Variants in CDC14A observed in about 807,000 individuals in gnomAD.
CDC14A encodes the protein cell division cycle 14A.
In CDC14A, 53 loss-of-function variants were observed where a neutral mutation model predicts 74.4. The observed-to-expected ratio is 0.71, with a 90% confidence interval of 0.57 to 0.89. The LOEUF (loss-of-function observed/expected upper bound fraction) is 0.89, where lower values mean the gene tolerates loss of function less well. Among genes scored for constraint, CDC14A ranks in the 40% least tolerant of loss-of-function variants. The probability of loss-of-function intolerance (pLI) is 0.00; values close to 1 mark genes in which losing one functional copy is unlikely to be tolerated. For missense variants in CDC14A, 646 were observed against 713.7 expected, an observed-to-expected ratio of 0.91 and a Z score of 1.08; for synonymous variants, 247 against 258.4, an observed-to-expected ratio of 0.96 and a Z score of 0.43.
intron 15 of CDC14A, among the ~76,000 whole-genome samples, chr1:100,515,753 T>C (rs1335148388): frequency 6.6e-6 from 1 of 152,366 alleles, no homozygotes; most frequent in Admixed American, 6.5e-5. Flanking sequence ...TACAAAATAC[T>C]GATGTCAGAA....
intron 4 of CDC14A, among the ~76,000 whole-genome samples, chr1:100,392,470 G>A (rs918801985): frequency 7.0e-6 from 1 of 142,736 alleles, no homozygotes; most frequent in African/African-American, 2.6e-5. Context: ...TTTTTTTTTT[G>A]TGAGGACCAA....
At chr1:100,466,959 AC>A (rs1333357817) in intron 9 of CDC14A, among the ~76,000 whole-genome samples, 1 of 151,578 alleles carries the variant, frequency 6.6e-6, no homozygotes, top group Admixed American at 6.6e-5. Context: ...GGGATGAAAA[AC>A]TTTTTTTTTT....
intron 11 of CDC14A, among the ~76,000 whole-genome samples, chr1:100,492,325 C>A (rs1670786579): frequency 6.6e-6 from 1 of 152,218 alleles, no homozygotes; most frequent in Non-Finnish European, 1.5e-5. Context: ...AGTCTCCTTT[C>A]TCACCTTTCT....
intron 11 of CDC14A, among the ~76,000 whole-genome samples, chr1:100,493,933 G>T (rs1232532559): frequency 6.6e-6 from 1 of 152,080 alleles, no homozygotes; most frequent in Non-Finnish European, 1.5e-5. Context: ...ATAGGGGAGG[G>T]GACTATTACG....
At chr1:100,457,423 A>G (rs930511741) in intron 8 of CDC14A, among the ~76,000 whole-genome samples, 8 of 152,048 alleles carry the variant, frequency 5.3e-5, no homozygotes, top group African/African-American at 1.9e-4. Context: ...GTTCTACCAT[A>G]TGACTGTGCC....
At chr1:100,486,068 T>TA (rs1396783572) in intron 11 of CDC14A, 1 of 152,196 alleles carries the variant, frequency 6.6e-6, no homozygotes, top group Non-Finnish European at 1.5e-5. Flanking sequence ...TTTAACATGA[T>TA]AATATAGCTA....
chr1:100,425,799 A>G (rs1456484556), intron 5 of CDC14A, among the ~76,000 whole-genome samples: 1 of 152,194 alleles, frequency 6.6e-6, no homozygotes, highest in African/African-American at 2.4e-5. Flanking sequence ...CCTTTGTAAA[A>G]TATAATCCTA....
At chr1:100,387,272 G>A (rs992014459) in intron 3 of CDC14A, among the ~76,000 whole-genome samples, 1 of 152,122 alleles carries the variant, frequency 6.6e-6, no homozygotes, top group South Asian at 2.1e-4. Context: ...TTAGGACAAG[G>A]TCTAATTTTG....
chr1:100,495,013 T>C, intron 12 of CDC14A, 83 bp downstream of exon 12: 1 of 719,694 alleles, frequency 1.4e-6, no homozygotes, highest in Middle Eastern at 2.4e-4. Context: ...ATCTGTAATC[T>C]TCTGTTTTGA....
At chr1:100,435,048 G>T (rs991412874) in intron 5 of CDC14A, among the ~76,000 whole-genome samples, 2 of 152,198 alleles carry the variant, frequency 1.3e-5, no homozygotes, top group Non-Finnish European at 2.9e-5. Flanking sequence ...TTGAGGTGGG[G>T]CCCAGCAGCC....
chr1:100,503,508 C>A (rs1648965652), intron 15 of CDC14A, among the ~76,000 whole-genome samples: 1 of 152,068 alleles, frequency 6.6e-6, no homozygotes. Flanking sequence ...GCAGTTCAGC[C>A]CCCAGAAAAA....
upstream of CDC14A, chr1:100,352,377 G>A (rs1161564953): frequency 2.5e-6 from 2 of 815,178 alleles, no homozygotes; most frequent in Non-Finnish European, 3.0e-6. Context: ...GTCCCTTTAA[G>A]GGATGGCCGC....
At chr1:100,360,608 G>A (rs1365469871) in intron 2 of CDC14A, among the ~76,000 whole-genome samples, 1 of 152,128 alleles carries the variant, frequency 6.6e-6, no homozygotes, top group East Asian at 1.9e-4. Context: ...GCCTCCCAAA[G>A]TGCTGGGATT....
intron 3 of CDC14A, among the ~76,000 whole-genome samples, chr1:100,381,640 C>T (rs770537939): frequency 3.3e-5 from 5 of 152,114 alleles, no homozygotes; most frequent in East Asian, 1.9e-4. Flanking sequence ...GGTGATTTAT[C>T]GCTATTTTTG....
intron 5 of CDC14A, among the ~76,000 whole-genome samples, chr1:100,431,193 C>A (rs1019915116): frequency 1.3e-5 from 2 of 152,136 alleles, no homozygotes; most frequent in Non-Finnish European, 2.9e-5. Flanking sequence ...GTCTCCATGA[C>A]CCATTAAGAA....
intron 4 of CDC14A, among the ~76,000 whole-genome samples, chr1:100,411,416 A>G (rs1032667689): frequency 6.6e-6 from 1 of 152,040 alleles, no homozygotes; most frequent in African/African-American, 2.4e-5. Flanking sequence ...TTGCTTTAAA[A>G]AGTTTTTTTT....
In CDC14A at chr1:100,352,826, G is replaced by T; in HGVS notation, c.-129G>T. Reference sequence around the variant, plus strand: ...GCCGCCTCCGCCTTCGGCGCCTGCTGCCTCCCTCGGCCAGGCTTGTTGTTC... The same window carrying T: ...GCCGCCTCCGCCTTCGGCGCCTGCTTCCTCCCTCGGCCAGGCTTGTTGTTC... On this transcript the variant is annotated 5_prime_UTR_variant, in exon 1 of 16. Transcript: ENST00000336454. 6.7e-7 allele frequency: 1 copy of T among 1,494,942 alleles called. No homozygotes were observed. Among genetic ancestry groups the T allele is most frequent in the Non-Finnish European group, 8.9e-7 (1 of 1,127,284 alleles). 92.6% of individuals were successfully genotyped at this position (1,494,942 alleles called of 1,614,324 possible). A position where few individuals can be genotyped will look rare whatever the true frequency, so the allele number is the denominator to read the frequency against.
chr1:100,404,367 C>T (rs1343456710), intron 4 of CDC14A, among the ~76,000 whole-genome samples: 1 of 152,158 alleles, frequency 6.6e-6, no homozygotes, highest in Non-Finnish European at 1.5e-5. Context: ...TAATTTTCTT[C>T]CTTGTTGCTC....
intron 1 of CDC14A, among the ~76,000 whole-genome samples, chr1:100,346,364 T>G (rs1427459867): frequency 6.6e-6 from 1 of 151,836 alleles, no homozygotes; most frequent in African/African-American, 2.4e-5. Flanking sequence ...GTGCGGTGGC[T>G]CCCACCTGCA....
Sources: allele counts gnomAD v4.1 joint callset (sites outside exome capture counted in the v4.1 genomes callset), GRCh38; gene constraint gnomAD v4.1.1; transcripts MANE v1.5; gene names NCBI Gene and HGNC (gene_info 2026-07-23, HGNC 2026-07-21).